Variants in WWOX observed in about 807,000 individuals in gnomAD.
The protein encoded by WWOX is WW domain-containing oxidoreductase.
Under a neutral mutation model 46.2 loss-of-function variants are expected in WWOX, and 69 were observed. The ratio of observed to expected loss-of-function variants is 1.49; its 90% CI spans 1.23 to 1.82. WWOX has a LOEUF of 1.82. WWOX is among the 40% of genes most tolerant of loss of function. WWOX has a pLI of 0.00. For synonymous variants in WWOX, 359 were observed against 202.6 expected, an observed-to-expected ratio of 1.77 and a Z score of -6.56; for missense variants, 919 against 542.6, an observed-to-expected ratio of 1.69 and a Z score of -6.89.
intron 8 of WWOX, among the ~76,000 whole-genome samples, chr16:78,991,597 T>G (rs1567465725): frequency 1.3e-3 from 1 of 764 alleles, no homozygotes; most frequent in African/African-American, 2.0e-3. Context: ...CAAGACCTTG[T>G]CTCAAAAAAA....
intron 8 of WWOX, among the ~76,000 whole-genome samples, chr16:79,202,108 G>C (rs977557865): frequency 6.6e-6 from 1 of 152,136 alleles, no homozygotes; most frequent in Non-Finnish European, 1.5e-5. Flanking sequence ...CATTTGGGTA[G>C]ACGTTGTCGA....
chr16:78,455,820 C>G (rs905991605), intron 8 of WWOX, among the ~76,000 whole-genome samples: 1 of 150,406 alleles, frequency 6.6e-6, no homozygotes, highest in Non-Finnish European at 1.5e-5. Flanking sequence ...CACCAAGGAC[C>G]TCATGTTAAA....
At chr16:78,866,081 A>T (rs2043997097) in intron 8 of WWOX, among the ~76,000 whole-genome samples, 1 of 152,174 alleles carries the variant, frequency 6.6e-6, no homozygotes, top group Admixed American at 6.5e-5. Flanking sequence ...CTAGTTGGAA[A>T]TGTTAAGTTT....
chr16:79,050,656 T>C (rs1422538940), intron 8 of WWOX, among the ~76,000 whole-genome samples: 1 of 152,164 alleles, frequency 6.6e-6, no homozygotes, highest in Non-Finnish European at 1.5e-5. Context: ...CTGAGGAATT[T>C]TAAGAACAGG....
At chr16:78,551,127 GATATCCAGTATATTCCATGAAACAA>G (rs1454647126) in intron 8 of WWOX, 1 of 152,058 alleles carries the variant, frequency 6.6e-6, no homozygotes, top group Non-Finnish European at 1.5e-5. Context: ...CCATGAAACA[GATATCCAGTATATTCCATGAAACAA>G]ATATCATGAA....
intron 8 of WWOX, among the ~76,000 whole-genome samples, chr16:78,627,054 C>G (rs767539677): frequency 1.3e-5 from 2 of 152,102 alleles, no homozygotes; most frequent in Non-Finnish European, 2.9e-5. Context: ...CCACCTCATA[C>G]ATACACAAAG....
intron 8 of WWOX, among the ~76,000 whole-genome samples, chr16:78,983,675 C>G (rs1339092149): frequency 1.3e-5 from 2 of 152,084 alleles, no homozygotes; most frequent in African/African-American, 2.4e-5. Flanking sequence ...CAGGATGAAA[C>G]TAGTCTTGAT....
chr16:79,183,663 T>C lies in WWOX; in HGVS notation c.1057-27945T>C, dbSNP rs926456522. 3.3e-5 allele frequency among the ~76,000 whole-genome samples: 5 copies of C among 152,202 alleles called. No homozygotes were observed. The South Asian group carries it at 1.0e-3, about 31-fold the overall frequency. On this transcript the variant is annotated intron_variant, in intron 8 of 8. Transcript: ENST00000566780. ...TATTATAACAAATGTATCAAATAAC[T>C]ATGTGTGAACTCTGCATGTTTCAGC...
At chr16:78,111,176 T>A (rs567161765) in intron 3 of WWOX, among the ~76,000 whole-genome samples, 4 of 152,252 alleles carry the variant, frequency 2.6e-5, no homozygotes, top group African/African-American at 7.2e-5. Flanking sequence ...ATCTACAATT[T>A]CTACTTTCAT....
intron 8 of WWOX, among the ~76,000 whole-genome samples, chr16:78,597,664 A>G (rs1428780559): frequency 6.6e-6 from 1 of 151,854 alleles, no homozygotes; most frequent in Non-Finnish European, 1.5e-5. Flanking sequence ...TGCTTTCCAA[A>G]CCCCTAAATT....
At position 79,211,908 on chromosome 16, in the gene WWOX, A is replaced by G. The variant is rs1372003375; in HGVS notation, c.*112A>G. 2 of 1,551,294 alleles carry G rather than the reference A, an allele frequency of 1.3e-6. No individual in the cohort carries two copies. Among genetic ancestry groups the G allele is most frequent in the Non-Finnish European group, 8.7e-7 (1 of 1,152,442 alleles). On this transcript the variant is annotated 3_prime_UTR_variant, in exon 9 of 9. Coordinates refer to ENST00000566780, the MANE Select transcript of WWOX (RefSeq NM_016373.4). ...CCTCCAACACAGATCCGCAAGAGTAAAGGAAATAAGAGCAGTCACAACAGA... is the reference window on the plus strand; with the variant it reads ...CCTCCAACACAGATCCGCAAGAGTAGAGGAAATAAGAGCAGTCACAACAGA...
At chr16:78,151,108 T>G (rs543978336) in intron 4 of WWOX, among the ~76,000 whole-genome samples, 1 of 150,666 alleles carries the variant, frequency 6.6e-6, no homozygotes, top group Non-Finnish European at 1.5e-5. Flanking sequence ...AACCCTTGGG[T>G]TTAAGTGATC....
chr16:78,318,422 A>G (rs2151881461), intron 5 of WWOX, among the ~76,000 whole-genome samples: 1 of 152,174 alleles, frequency 6.6e-6, no homozygotes, highest in East Asian at 1.9e-4. Flanking sequence ...CTGGGCGACA[A>G]GAGCGCAATT....
chr16:78,157,001 A>G lies in WWOX; in HGVS notation c.410-7182A>G, dbSNP rs563626251. Among the ~76,000 whole-genome samples the G allele has an allele frequency of 1.8e-3, 269 of 152,198 alleles. 1 individual carries two copies. Among genetic ancestry groups the G allele is most frequent in the African/African-American group, 6.0e-3 (249 of 41,528 alleles). On this transcript the variant is annotated intron_variant, in intron 4 of 8. Transcript: ENST00000566780. The stretch of plus-strand genomic sequence containing the variant: ...CTTGTGTTATATCGATGCTTTCTCA[A>G]TCTGTTAAAAACGTAGCTGCTATTG...
intron 8 of WWOX, among the ~76,000 whole-genome samples, chr16:79,167,279 CA>C (rs2050613429): frequency 6.6e-6 from 1 of 152,114 alleles, no homozygotes; most frequent in Non-Finnish European, 1.5e-5. Context: ...AAAAAATTAG[CA>C]AAGAAGCAAA....
chr16:78,288,920 C>G (rs559046597), intron 5 of WWOX, among the ~76,000 whole-genome samples: 4 of 152,212 alleles, frequency 2.6e-5, no homozygotes, highest in Admixed American at 6.5e-5. Context: ...AGAAGAACAA[C>G]AACAAAAAAT....
intron 8 of WWOX, among the ~76,000 whole-genome samples, chr16:78,884,094 C>A (rs2044400678): frequency 6.6e-6 from 1 of 151,892 alleles, no homozygotes; most frequent in African/African-American, 2.4e-5. Flanking sequence ...GCTGGGCCAA[C>A]ATGGTGAAAC....
intron 8 of WWOX, among the ~76,000 whole-genome samples, chr16:79,010,712 G>T (rs752390821): frequency 5.3e-5 from 8 of 151,954 alleles, no homozygotes; most frequent in Non-Finnish European, 1.0e-4. Flanking sequence ...GAGGAGGTTT[G>T]GCCATGGGTA....
At chr16:78,893,055 G>C (rs1567631211) in intron 8 of WWOX, among the ~76,000 whole-genome samples, 2 of 152,252 alleles carry the variant, frequency 1.3e-5, no homozygotes, top group East Asian at 3.9e-4. Flanking sequence ...CAGACCGTGA[G>C]GTCAGAGGAG....
Sources: gnomAD v4.1 joint callset for allele counts (sites outside exome capture counted in the v4.1 genomes callset) on GRCh38, gnomAD v4.1.1 for gene constraint, MANE v1.5 for transcripts, NCBI Gene and HGNC (gene_info 2026-07-23, HGNC 2026-07-21) for gene names.